The following LRP1B variants were observed in gnomAD, a reference collection of about 807,000 sequenced individuals.
LRP1B encodes the protein low-density lipoprotein receptor-related protein 1B.
A neutral mutation model predicts 556.6 loss-of-function variants in LRP1B; 217 were observed. That is an observed-to-expected ratio of 0.39 (90% CI 0.35 to 0.44). The LOEUF is 0.44. LRP1B is among the 20% of genes least tolerant of loss of function. The pLI, the probability that LRP1B is intolerant of heterozygous loss-of-function variation, is 1.00. For missense variants in LRP1B, 5,053 were observed against 5,620.8 expected, an observed-to-expected ratio of 0.90 and a Z score of 3.23; for synonymous variants, 2,047 against 1,865.8, an observed-to-expected ratio of 1.10 and a Z score of -2.50.
chr2:140,792,480 G>A (rs1418757718), intron 32 of LRP1B, among the ~76,000 whole-genome samples: 1 of 151,840 alleles, frequency 6.6e-6, no homozygotes, highest in Non-Finnish European at 1.5e-5. Flanking sequence ...CACTGCTCCT[G>A]GTAACTAAAT....
chr2:140,616,488 T>TTA (rs1683261387), intron 41 of LRP1B, among the ~76,000 whole-genome samples: 1 of 150,886 alleles, frequency 6.6e-6, no homozygotes, highest in African/African-American at 2.4e-5. Flanking sequence ...CTCAGTCTTT[T>TTA]TTTTTTTTTT....
At chr2:140,979,374 T>C (rs1327188271) in intron 18 of LRP1B, among the ~76,000 whole-genome samples, 4 of 152,206 alleles carry the variant, frequency 2.6e-5, no homozygotes, top group Non-Finnish European at 5.9e-5. Flanking sequence ...GAATTTACAA[T>C]TAAACATATA....
chr2:140,456,351 G>T, intron 62 of LRP1B, 104 bp downstream of exon 62: 3 of 1,107,278 alleles, frequency 2.7e-6, no homozygotes, highest in Non-Finnish European at 2.4e-6. Flanking sequence ...TTTATTCTGT[G>T]ACCATCTCTA....
Position 141,522,432 on chromosome 2 carries a change from G to A in LRP1B, c.206-41899C>T, listed in dbSNP as rs1253998156. ...TGAATGTGGCAGGAAGAAGGGAAAC[G>A]TTGCCAATACATCAGTTTCCCGGAC... On this transcript the variant is annotated intron_variant, in intron 2 of 90. Coordinates refer to ENST00000389484, the MANE Select transcript of LRP1B (RefSeq NM_018557.3). Among the ~76,000 whole-genome samples the A allele has an allele frequency of 3.2e-5, 4 of 123,382 alleles. No individual in the cohort carries two copies. In the Admixed American group the frequency reaches 3.5e-4, roughly 11 times the overall value. The allele number at this position is 123,382 out of a possible 152,430, so 80.9% of individuals were successfully genotyped here.
intron 57 of LRP1B, among the ~76,000 whole-genome samples, chr2:140,488,162 T>C (rs1688552084): frequency 6.6e-6 from 1 of 151,996 alleles, no homozygotes; most frequent in Admixed American, 6.6e-5. Flanking sequence ...GTAGATCATC[T>C]GATTAAGATG....
At chr2:140,694,749 A>G (rs962905090) in intron 41 of LRP1B, among the ~76,000 whole-genome samples, 9 of 152,242 alleles carry the variant, frequency 5.9e-5, no homozygotes, top group African/African-American at 2.2e-4. Flanking sequence ...TGTTTTTTGT[A>G]TCTTACTGCC....
At chr2:140,952,016 T>C in intron 18 of LRP1B, 76 bp from the exon 19 acceptor site, 2 of 1,038,644 alleles carry the variant, frequency 1.9e-6, no homozygotes, top group Non-Finnish European at 3.0e-6. Flanking sequence ...CATCTGATAA[T>C]GTGATCAGAA....
At chr2:141,453,483 A>T (rs1000063830) in intron 3 of LRP1B, among the ~76,000 whole-genome samples, 1 of 152,138 alleles carries the variant, frequency 6.6e-6, no homozygotes, top group African/African-American at 2.4e-5. Context: ...CTCTAATAAT[A>T]GTTTGTGTAC....
At chr2:141,994,555 A>T (rs908845819) in intron 1 of LRP1B, among the ~76,000 whole-genome samples, 1 of 152,102 alleles carries the variant, frequency 6.6e-6, no homozygotes, top group Non-Finnish European at 1.5e-5. Context: ...TTGTGTATTT[A>T]CATGTATGTA....
intron 18 of LRP1B, among the ~76,000 whole-genome samples, chr2:140,954,876 G>A (rs1695827154): frequency 6.6e-6 from 1 of 151,912 alleles, no homozygotes; most frequent in Non-Finnish European, 1.5e-5. Flanking sequence ...AAAAATTACT[G>A]TAGAGAAAAA....
intron 1 of LRP1B, among the ~76,000 whole-genome samples, chr2:142,041,255 G>A (rs993532835): frequency 6.6e-5 from 10 of 151,314 alleles, no homozygotes; most frequent in Admixed American, 1.3e-4. Flanking sequence ...TAGTGACAAG[G>A]AAGCCATTAT....
intron 1 of LRP1B, among the ~76,000 whole-genome samples, chr2:142,103,427 C>T (rs1706636571): frequency 6.6e-6 from 1 of 151,646 alleles, no homozygotes; most frequent in Non-Finnish European, 1.5e-5. Flanking sequence ...CTGTGATGAG[C>T]CTAGTTTTAT....
At position 140,492,669 on chromosome 2, in the gene LRP1B, G is replaced by C. The variant is rs770202143; in HGVS notation, c.9059C>G (p.Ala3020Gly). 3.1e-6 allele frequency: 5 copies of C among 1,612,966 alleles called. No individual in the cohort carries two copies. In the South Asian group the frequency reaches 4.4e-5, roughly 14 times the overall value. The stretch of plus-strand genomic sequence containing the variant: ...AATTTTCCTTATCTCATGATGATCA[G>C]CAAGAATTAAAAAAGGTTCTTCATC... The part of the protein sequence containing the change: ...LSDEEPFLIL[A>G]DHHEIRKIST... Residue 3020 changes from alanine (A) to glycine (G), a missense_variant, in exon 57 of 91, where the codon GCT becomes GGT. Physicochemically the swap from Ala to Gly is moderately conservative, Grantham distance 60. This residue lies in a region of LRP1B where 3,619 missense variants were observed against 3,931.9 expected (regional missense o/e 0.92). Transcript: ENST00000389484.
chr2:140,591,025 A>T (rs971420213), intron 43 of LRP1B, among the ~76,000 whole-genome samples: 1 of 152,194 alleles, frequency 6.6e-6, no homozygotes, highest in African/African-American at 2.4e-5. Flanking sequence ...TGTTCTAAAG[A>T]TTAGAAAGTT....
intron 7 of LRP1B, among the ~76,000 whole-genome samples, chr2:141,152,120 CTTTTT>C (rs1347026975): frequency 6.6e-6 from 1 of 151,552 alleles, no homozygotes. Context: ...TATTTCTTCT[CTTTTT>C]TTTAAGAAGC....
At chr2:141,096,855 G>A (rs894396936) in intron 7 of LRP1B, among the ~76,000 whole-genome samples, 1 of 151,956 alleles carries the variant, frequency 6.6e-6, no homozygotes, top group East Asian at 1.9e-4. Flanking sequence ...ATACACTTCC[G>A]GAGGCCTGTA....
chr2:141,528,590 TACAC>T (rs986167196), intron 2 of LRP1B, among the ~76,000 whole-genome samples: 38 of 152,238 alleles, frequency 2.5e-4, no homozygotes, highest in African/African-American at 8.7e-4. Flanking sequence ...ACATATATAG[TACAC>T]ACAAATATTT....
chr2:141,243,590 A>G (rs975227021), intron 5 of LRP1B, among the ~76,000 whole-genome samples: 13 of 152,194 alleles, frequency 8.5e-5, no homozygotes, highest in Non-Finnish European at 1.5e-4. Flanking sequence ...TATGTCTCCT[A>G]TAAAAAACTA....
At chr2:140,817,875 T>C (rs1691182510) in intron 31 of LRP1B, among the ~76,000 whole-genome samples, 1 of 152,146 alleles carries the variant, frequency 6.6e-6, no homozygotes, top group Admixed American at 6.6e-5. Context: ...CAAATTTAAC[T>C]TCAAAATTCT....
Sources: gnomAD v4.1 joint callset for allele counts (sites outside exome capture counted in the v4.1 genomes callset) on GRCh38, gnomAD v4.1.1 for gene constraint, gnomAD v4.1.1 regional missense constraint, MANE v1.5 for transcripts, NCBI Gene and HGNC (gene_info 2026-07-23, HGNC 2026-07-21) for gene names.